XDH: variants seen among roughly 807,000 people sequenced by gnomAD.
XDH encodes xanthine dehydrogenase, also known as xanthine dehydrogenase/oxidase.
Under a neutral mutation model 156.1 loss-of-function variants are expected in XDH, and 138 were observed. The observed-to-expected ratio is 0.88, with a 90% CI of 0.77 to 1.02. The LOEUF is 1.02. Ranked by LOEUF, XDH falls within the 50% of genes least tolerant of loss-of-function variation. XDH has a pLI of 0.00. For missense variants in XDH, 1,849 were observed against 1,684.9 expected (o/e 1.10, Z -1.71); for synonymous variants, 669 against 625.7 (o/e 1.07, Z -1.03).
chr2:31,355,797 T>C (rs1021194581), intron 24 of XDH, among the ~76,000 whole-genome samples: 25 of 152,188 alleles, frequency 1.6e-4, no homozygotes, highest in African/African-American at 6.0e-4. Flanking sequence ...ATATGATGTA[T>C]AAATTGTATA....
At chr2:31,386,924 AAGGGAGGGAGGGAGGGAGAGAGGG>A (rs1278527067) in intron 8 of XDH, among the ~76,000 whole-genome samples, 11 of 125,148 alleles carry the variant, frequency 8.8e-5, no homozygotes, top group African/African-American at 3.2e-4. Context: ...AAGGCATGAG[AAGGGAGGGAGGGAGGGAGAGAGGG>A]AGGGAGGGAG....
At chr2:31,345,101 T>C (rs1010072297) in intron 30 of XDH, among the ~76,000 whole-genome samples, 1 of 152,194 alleles carries the variant, frequency 6.6e-6, no homozygotes, top group Non-Finnish European at 1.5e-5. Context: ...ACAGTCTCTC[T>C]GGCATTTTGC....
chr2:31,379,786 A>G, intron 13 of XDH, 81 bp downstream of exon 13: 1 of 1,404,328 alleles, frequency 7.1e-7, no homozygotes, highest in South Asian at 1.2e-5. Context: ...TTGGTCCCTG[A>G]AGCAGATTCT....
intron 1 of XDH, among the ~76,000 whole-genome samples, chr2:31,411,188 C>G (rs937773906): frequency 2.7e-5 from 4 of 150,684 alleles, no homozygotes; most frequent in Non-Finnish European, 4.4e-5. Flanking sequence ...GAGGCTGAGG[C>G]AGACAATTGC....
At chr2:31,408,007 G>A (rs1011378708) in intron 1 of XDH, among the ~76,000 whole-genome samples, 2 of 152,022 alleles carry the variant, frequency 1.3e-5, no homozygotes, top group African/African-American at 4.8e-5. Context: ...CTCCCGTACT[G>A]CAGTTCTGCT....
At chr2:31,380,810 G>A (rs930296655) in intron 12 of XDH, among the ~76,000 whole-genome samples, 2 of 152,148 alleles carry the variant, frequency 1.3e-5, no homozygotes, top group African/African-American at 4.8e-5. Flanking sequence ...GGGACCCTCT[G>A]ACAAGGCAGA....
chr2:31,389,089 A>T (rs1686691840), intron 6 of XDH, among the ~76,000 whole-genome samples: 1 of 152,210 alleles, frequency 6.6e-6, no homozygotes, highest in East Asian at 1.9e-4. Context: ...TGCTGAGATG[A>T]AAAAGTAGGG....
chr2:31,343,285 CATATATATATATAT>C (rs60481824), intron 31 of XDH, among the ~76,000 whole-genome samples: 1,171 of 68,342 alleles, frequency 0.017, 22 homozygotes, highest in African/African-American at 0.023. Flanking sequence ...ATTTCTTCAC[CATATATATATATAT>C]ATATATATAT....
chr2:31,401,268 T>C lies in XDH; in HGVS notation c.258A>G (p.Thr86=), dbSNP rs1264840926. The C allele has an allele frequency of 5.6e-6, 9 of 1,614,004 alleles. No individual in the cohort carries two copies. Among genetic ancestry groups the C allele is most frequent in the Non-Finnish European group, 7.6e-6 (9 of 1,180,024 alleles). Residue 86 remains threonine (T), a synonymous_variant, in exon 4 of 36, where the codon ACA becomes ACG. Coordinates refer to ENST00000379416, the MANE Select transcript of XDH (RefSeq NM_000379.4). ...TGGTGCTTCCTATTCCTTCCACAGTTGTCACTGCAACATGGTGCAAGGAGC... is the reference window on the plus strand; with the variant it reads ...TGGTGCTTCCTATTCCTTCCACAGTCGTCACTGCAACATGGTGCAAGGAGC... The part of the protein sequence containing the change: ...PICSLHHVAV[T]TVEGIGSTKT...
chr2:31,347,706 G>T, intron 28 of XDH, 56 bp from the exon 29 acceptor site: 1 of 1,590,516 alleles, frequency 6.3e-7, no homozygotes, highest in Non-Finnish European at 8.6e-7. Flanking sequence ...GGGCTTGGCT[G>T]CCTTCTCCCC....
chr2:31,381,515 A>C (rs1686435791), intron 12 of XDH, 118 bp downstream of exon 12: 1 of 1,021,734 alleles, frequency 9.8e-7, no homozygotes, highest in African/African-American at 1.6e-5. Context: ...CTGGATCCAA[A>C]TCACAGGGAA....
rs1558697761 is a variant in XDH, at chr2:31,379,918, C to T, written c.1191G>A (p.Leu397=). 1.2e-6 allele frequency: 2 copies of T among 1,614,162 alleles called. No homozygotes were observed. The highest frequency in any genetic ancestry group is 1.7e-6 in the Non-Finnish European group (2 of 1,180,028). Residue 397 remains leucine (L), a synonymous_variant, in exon 13 of 36, where the codon CTG becomes CTA. Transcript: ENST00000379416. ...AGAGCAGTATCTCCTCCGGGCTCAG[C>T]AGGGTCTTTCTGTAGCCAGGGAAGA... is the stretch of plus-strand genomic sequence containing the variant. ...HTFFPGYRKT[L]LSPEEILLSI...
chr2:31,399,080 G>C (rs1225670229), intron 4 of XDH, among the ~76,000 whole-genome samples: 1 of 152,212 alleles, frequency 6.6e-6, no homozygotes, highest in Non-Finnish European at 1.5e-5. Flanking sequence ...TGAATGGATT[G>C]GGTGTGGCAT....
intron 24 of XDH, among the ~76,000 whole-genome samples, chr2:31,353,190 A>T (rs1241928944): frequency 6.6e-6 from 1 of 152,192 alleles, no homozygotes; most frequent in East Asian, 1.9e-4. Flanking sequence ...TAAACAACTC[A>T]ATATTCCAAG....
intron 24 of XDH, among the ~76,000 whole-genome samples, chr2:31,362,606 T>C (rs1444099326): frequency 6.6e-6 from 1 of 152,242 alleles, no homozygotes. Context: ...ATTCCTAAAG[T>C]AATTTACTAA....
At chr2:31,366,838 C>T in intron 21 of XDH, 32 bp downstream of exon 21, 3 of 1,613,552 alleles carry the variant, frequency 1.9e-6, no homozygotes, top group Non-Finnish European at 2.5e-6. Context: ...GCTACCCTGA[C>T]AGCCCCTTGA....
Position 31,379,990 on chromosome 2 carries a change from A to G in XDH, c.1133-14T>C. On this transcript the variant is annotated splice_polypyrimidine_tract_variant and intron_variant, in intron 12 of 35. Coordinates refer to ENST00000379416, the MANE Select transcript of XDH (RefSeq NM_000379.4). ...TTCTCCTGGTGCCTGTACAGAAGCAAGATGAAGAGGAGCCAAAGTGAGGGA... is the reference window on the plus strand; with the variant it reads ...TTCTCCTGGTGCCTGTACAGAAGCAGGATGAAGAGGAGCCAAAGTGAGGGA... The G allele has an allele frequency of 6.2e-7, 1 of 1,613,184 alleles. No individual in the cohort carries two copies. Among genetic ancestry groups the G allele is most frequent in the Non-Finnish European group, 8.5e-7 (1 of 1,179,508 alleles).
chr2:31,341,188 T>C, intron 33 of XDH, 141 bp downstream of exon 33: 1 of 887,198 alleles, frequency 1.1e-6, no homozygotes, highest in Non-Finnish European at 1.8e-6. Context: ...AAATTCTACT[T>C]TGGGGGAAAC....
chr2:31,352,441 T>C (rs956254864), intron 24 of XDH, among the ~76,000 whole-genome samples: 5 of 152,182 alleles, frequency 3.3e-5, no homozygotes, highest in Admixed American at 1.3e-4. Flanking sequence ...ATAATTTCAG[T>C]CTTACTCATC....
Sources: gnomAD v4.1 joint callset for allele counts (sites outside exome capture counted in the v4.1 genomes callset) on GRCh38, gnomAD v4.1.1 for gene constraint, MANE v1.5 for transcripts, NCBI Gene and HGNC (gene_info 2026-07-23, HGNC 2026-07-21) for gene names.